Variants in AFAP1L1 observed in about 807,000 individuals in gnomAD.
AFAP1L1 encodes the protein actin filament-associated protein 1-like 1.
In AFAP1L1, 77 loss-of-function variants were observed where a neutral mutation model predicts 99.8. The ratio of observed to expected loss-of-function variants is 0.77; its 90% confidence interval spans 0.64 to 0.93. The LOEUF is 0.93. Ranked by LOEUF, AFAP1L1 falls within the 40% of genes least tolerant of loss-of-function variation. AFAP1L1 has a pLI of 0.00. For synonymous variants in AFAP1L1, 373 were observed against 395.3 expected (o/e 0.94, Z 0.67); for missense variants, 893 against 996.8 (o/e 0.90, Z 1.40).
intron 11 of AFAP1L1, 75 bp from the exon 12 acceptor site, chr5:149,317,654 A>G: frequency 2.6e-6 from 4 of 1,515,382 alleles, no homozygotes; most frequent in Non-Finnish European, 3.6e-6. Flanking sequence ...TTTCCAGCAG[A>G]CACATGGAGC....
At chr5:149,277,611 C>T (rs1028265698) in intron 1 of AFAP1L1, among the ~76,000 whole-genome samples, 6 of 152,182 alleles carry the variant, frequency 3.9e-5, no homozygotes, top group Admixed American at 3.3e-4. Context: ...TATCCATATT[C>T]GAATCATCTT....
At chr5:149,333,273 G>T (rs1425569744) in intron 17 of AFAP1L1, among the ~76,000 whole-genome samples, 2 of 152,184 alleles carry the variant, frequency 1.3e-5, no homozygotes, top group Non-Finnish European at 2.9e-5. Context: ...GTAGTTTAGG[G>T]GTTGACAGAC....
chr5:149,316,633 C>T (rs1756807066), intron 11 of AFAP1L1, among the ~76,000 whole-genome samples: 1 of 152,148 alleles, frequency 6.6e-6, no homozygotes, highest in Non-Finnish European at 1.5e-5. Flanking sequence ...TCTTATTTTC[C>T]AGCATAGAAC....
rs762689998 is a variant in AFAP1L1, at chr5:149,317,710, A to G, written c.1268-19A>G. On this transcript the variant is annotated intron_variant, in intron 11 of 18. Coordinates refer to ENST00000296721, the MANE Select transcript of AFAP1L1 (RefSeq NM_152406.4). ...TCCCAGGGCAGGCTATGGGAACCTC[A>G]CACCATTGTCTCCTCCAGGCTACCT... 3 of 1,612,956 alleles carry G rather than the reference A, an allele frequency of 1.9e-6. No homozygotes were observed. The highest frequency in any genetic ancestry group is 2.5e-6 in the Non-Finnish European group (3 of 1,179,610).
At chr5:149,319,481 G>A in intron 12 of AFAP1L1, 101 bp from the exon 13 acceptor site, 2 of 1,367,130 alleles carry the variant, frequency 1.5e-6, no homozygotes, top group Non-Finnish European at 2.0e-6. Flanking sequence ...CGGGTACGTA[G>A]TCAGTACTTA....
chr5:149,307,373 T>TGATG (rs1390660202), intron 6 of AFAP1L1, 29 bp from the exon 7 acceptor site: 14 of 1,612,090 alleles, frequency 8.7e-6, no homozygotes, highest in Non-Finnish European at 1.2e-5. Flanking sequence ...GATGGCACAG[T>TGATG]GATGGATCCT....
At chr5:149,319,958 A>G (rs773534361) in intron 13 of AFAP1L1, among the ~76,000 whole-genome samples, 2 of 152,228 alleles carry the variant, frequency 1.3e-5, no homozygotes, top group South Asian at 2.1e-4. Flanking sequence ...GCAAAAGTAG[A>G]GAAGCCTTGG....
At chr5:149,338,048 C>A (rs1757455259) in intron 18 of AFAP1L1, among the ~76,000 whole-genome samples, 1 of 152,190 alleles carries the variant, frequency 6.6e-6, no homozygotes, top group South Asian at 2.1e-4. Flanking sequence ...CATTTATGAG[C>A]TGAAATTGCA....
chr5:149,297,269 G>A (rs1756047528), intron 1 of AFAP1L1, among the ~76,000 whole-genome samples: 2 of 152,148 alleles, frequency 1.3e-5, no homozygotes, highest in Non-Finnish European at 2.9e-5. Context: ...CCAGGCCCTG[G>A]AGGCAGCAGG....
At chr5:149,309,085 T>C (rs1011458131) in intron 7 of AFAP1L1, among the ~76,000 whole-genome samples, 1 of 152,130 alleles carries the variant, frequency 6.6e-6, no homozygotes, top group Non-Finnish European at 1.5e-5. Context: ...CACTCCAGCG[T>C]GGGTGATAAA....
At chr5:149,335,250 G>A (rs916737328) in intron 17 of AFAP1L1, among the ~76,000 whole-genome samples, 2 of 152,202 alleles carry the variant, frequency 1.3e-5, no homozygotes, top group Admixed American at 1.3e-4. Context: ...CACTTTGGGA[G>A]GCCAAGGTGG....
In AFAP1L1 at chr5:149,300,503, C is replaced by T. The variant is rs1028504776; in HGVS notation, c.229+149C>T. 5.5e-5 allele frequency: 35 copies of T among 631,876 alleles called. No homozygotes were observed. The South Asian group carries it at 6.8e-4, about 12-fold the overall frequency. The allele number at this position is 631,876 out of a possible 1,614,324, so 39.1% of individuals were successfully genotyped here. A position where few individuals can be genotyped will look rare whatever the true frequency, so the allele number is the denominator to read the frequency against. On this transcript the variant is annotated intron_variant, in intron 3 of 18. Transcript: ENST00000296721. ...CCTTGGCCCCTCTGGGTTCTGCCAG[C>T]TCTGAAAGTCTAATCAAAGTCTGCA... is the stretch of plus-strand genomic sequence containing the variant.
intron 7 of AFAP1L1, 112 bp downstream of exon 7, chr5:149,307,725 G>A (rs985484748): frequency 7.7e-6 from 9 of 1,168,624 alleles, no homozygotes; most frequent in Non-Finnish European, 8.5e-6. Context: ...TTGACTGTGT[G>A]CACAGAAGCT....
Position 149,342,244 on chromosome 5 carries a change from G to A in AFAP1L1, c.*2214G>A, listed in dbSNP as rs1367177511. 6.6e-6 allele frequency among the ~76,000 whole-genome samples: 1 copy of A among 152,140 alleles called. No individual in the cohort carries two copies. Among genetic ancestry groups the A allele is most frequent in the Non-Finnish European group, 1.5e-5 (1 of 68,038 alleles). On this transcript the variant is annotated 3_prime_UTR_variant, in exon 19 of 19. Transcript: ENST00000296721. Reference sequence around the variant, plus strand: ...CTGGTGCTAACTAACCACTTTTCTAGGTATTATCCCTTTAGTTTTCACTGA... The same window carrying A: ...CTGGTGCTAACTAACCACTTTTCTAAGTATTATCCCTTTAGTTTTCACTGA...
intron 16 of AFAP1L1, among the ~76,000 whole-genome samples, chr5:149,332,395 CA>C (rs35764548): frequency 0.53 from 80,126 of 150,388 alleles, 21,629 homozygotes; most frequent in African/African-American, 0.62. Context: ...GACTCCGTCT[CA>C]AAAAAAAAAG....
intron 1 of AFAP1L1, among the ~76,000 whole-genome samples, chr5:149,276,998 A>C (rs551214912): frequency 2.0e-5 from 3 of 152,336 alleles, no homozygotes; most frequent in Non-Finnish European, 4.4e-5. Context: ...TGGCTATGTC[A>C]TCACAGTTTT....
chr5:149,322,562 C>A, intron 14 of AFAP1L1, 44 bp from the exon 15 acceptor site: 1 of 1,450,344 alleles, frequency 6.9e-7, no homozygotes, highest in Non-Finnish European at 9.5e-7. Context: ...ATTGATGAGT[C>A]TGCGCCTGCC....
chr5:149,322,624 C>A lies in AFAP1L1; in HGVS notation c.1717C>A (p.Pro573Thr). 6.3e-7 allele frequency: 1 copy of A among 1,583,322 alleles called. No homozygotes were observed. The highest frequency in any genetic ancestry group is 2.3e-5 in the East Asian group (1 of 43,562). Residue 573 changes from proline (P) to threonine (T), a missense_variant, in exon 15 of 19, where the codon CCC (proline) becomes ACC (threonine). Pro to Thr is a conservative substitution (Grantham distance 38). Transcript: ENST00000296721. The stretch of plus-strand genomic sequence containing the variant: ...CCACCAGGACGAGGAGCCCGAGCGC[C>A]CCACAGGGGCCCAGGTGAAGCGTCA... ...EKMQDEEPER[P>T]TGAQVKRHAS...
At chr5:149,281,830 G>A (rs1755527304) in intron 1 of AFAP1L1, among the ~76,000 whole-genome samples, 1 of 152,176 alleles carries the variant, frequency 6.6e-6, no homozygotes, top group South Asian at 2.1e-4. Flanking sequence ...ATTTCTAAGT[G>A]GGGACAAGGA....
Sources: allele counts gnomAD v4.1 joint callset (sites outside exome capture counted in the v4.1 genomes callset), GRCh38; gene constraint gnomAD v4.1.1; transcripts MANE v1.5; gene names NCBI Gene and HGNC (gene_info 2026-07-23, HGNC 2026-07-21).